GPR143: variants seen among roughly 807,000 people sequenced by gnomAD.
GPR143 encodes G protein-coupled receptor 143, also known as G-protein coupled receptor 143.
Under a neutral mutation model 27.6 loss-of-function variants are expected in GPR143, and 8 were observed. The ratio of observed to expected loss-of-function variants is 0.29; its 90% CI spans 0.17 to 0.52. GPR143 has a LOEUF of 0.52. GPR143 is among the 20% of genes least tolerant of loss of function. The probability of loss-of-function intolerance (pLI) is 0.96; values close to 1 mark genes in which losing one functional copy is unlikely to be tolerated. For synonymous variants in GPR143, 156 were observed against 153.2 expected (o/e 1.02, Z -0.13); for missense variants, 303 against 343.1 (o/e 0.88, Z 0.92).
intron 3 of GPR143, 144 bp downstream of exon 3, chrX:9,759,188 A>G: frequency 2.0e-6 from 1 of 497,909 alleles, no homozygotes. Context: ...GCTGCTGTGG[A>G]TGTTTCTAGG....
At chrX:9,772,403 G>A (rs1027144649) in intron 1 of GPR143, among the ~76,000 whole-genome samples, 5 of 111,823 alleles carry the variant, frequency 4.5e-5, no homozygotes, top group Non-Finnish European at 9.4e-5. Flanking sequence ...TGCTTTCTCC[G>A]TAAAAGTCAA....
At chrX:9,767,374 T>G (rs375956188), upstream of GPR143, among the ~76,000 whole-genome samples, 6 of 111,394 alleles carry the variant, frequency 5.4e-5, no homozygotes, top group African/African-American at 2.0e-4. Flanking sequence ...CTGGGTTTTT[T>G]TCAAGCAACC....
intron 3 of GPR143, among the ~76,000 whole-genome samples, chrX:9,750,826 G>A (rs1163217866): frequency 8.9e-6 from 1 of 112,728 alleles, no homozygotes; most frequent in African/African-American, 3.2e-5. Flanking sequence ...GCCTCCCAAA[G>A]TACTGGGATT....
At chrX:9,759,996 G>A (rs1382497258) in intron 2 of GPR143, among the ~76,000 whole-genome samples, 1 of 112,405 alleles carries the variant, frequency 8.9e-6, no homozygotes, top group East Asian at 2.8e-4. Flanking sequence ...GAGCACCACC[G>A]TGACGGATGG....
intron 8 of GPR143, among the ~76,000 whole-genome samples, chrX:9,738,811 C>T (rs758299943): frequency 8.1e-5 from 9 of 111,737 alleles, no homozygotes; most frequent in Non-Finnish European, 1.7e-4. Flanking sequence ...TTCGTAGCGA[C>T]GGGTTTTCAC....
chrX:9,741,755 T>C (rs2146686109), intron 6 of GPR143, among the ~76,000 whole-genome samples: 1 of 110,658 alleles, frequency 9.0e-6, no homozygotes, highest in Admixed American at 9.6e-5. Context: ...TAACCAGGTG[T>C]GGTGGTGTGC....
intron 3 of GPR143, among the ~76,000 whole-genome samples, chrX:9,754,325 T>C (rs1005922243): frequency 8.9e-6 from 1 of 111,801 alleles, no homozygotes; most frequent in African/African-American, 3.2e-5. Flanking sequence ...TGTGACTGGT[T>C]CCTGGCATGG....
Position 9,765,776 on chromosome X carries a change from C to A in GPR143, c.42G>T (p.Arg14=). Reference sequence around the variant, plus strand: ...TCAGCACGAGCTGCGTGGCTGCGTCCCGCGTGGGGCAGCAGAAGGTCCCTA... The same window carrying A: ...TCAGCACGAGCTGCGTGGCTGCGTCACGCGTGGGGCAGCAGAAGGTCCCTA... ...PRLGTFCCPT[R]DAATQLVLSF... The change falls in exon 1 of 9, where the codon CGG becomes CGT. Residue 14 remains arginine, a synonymous_variant. Coordinates refer to ENST00000467482, the MANE Select transcript of GPR143 (RefSeq NM_000273.3). 1 of 1,122,499 alleles carries A rather than the reference C, an allele frequency of 8.9e-7. No homozygotes were observed. The highest frequency in any genetic ancestry group is 1.2e-6 in the Non-Finnish European group (1 of 855,133). 92.5% of individuals were successfully genotyped at this position (1,122,499 alleles called of 1,213,427 possible).
At chrX:9,747,374 G>C (rs1320745575) in intron 4 of GPR143, among the ~76,000 whole-genome samples, 2 of 111,278 alleles carry the variant, frequency 1.8e-5, no homozygotes, top group Non-Finnish European at 3.8e-5. Flanking sequence ...GCACCTCAAG[G>C]CTCCCTGTGC....
At chrX:9,737,780 C>G (rs2083385157) in intron 8 of GPR143, among the ~76,000 whole-genome samples, 1 of 111,900 alleles carries the variant, frequency 8.9e-6, no homozygotes, top group Non-Finnish European at 1.9e-5. Context: ...GAGGCCGATG[C>G]AGGAGGACCA....
At chrX:9,758,998 T>TA (rs2083484474) in intron 3 of GPR143, among the ~76,000 whole-genome samples, 5 of 112,587 alleles carry the variant, frequency 4.4e-5, no homozygotes, top group Admixed American at 2.8e-4. Context: ...TCAAGGTTTT[T>TA]AAAATCCTCA....
chrX:9,754,553 A>C lies in GPR143; in HGVS notation c.455+4779T>G, dbSNP rs2083465413. ...ACACCGGGGCAGAAGTCTGAACCCC[A>C]ATCCACAGCAGATCAGGAGAAGCCT... On this transcript the variant is annotated intron_variant, in intron 3 of 8. Transcript: ENST00000467482. Among the ~76,000 whole-genome samples the C allele has an allele frequency of 2.7e-5, 3 of 111,801 alleles. No homozygotes were observed. In the Admixed American group the frequency reaches 2.8e-4, roughly 11 times the overall value.
intron 1 of GPR143, among the ~76,000 whole-genome samples, chrX:9,764,893 GGC>G (rs1448818769): frequency 6.4e-5 from 7 of 109,354 alleles, no homozygotes; most frequent in African/African-American, 2.3e-4. Context: ...CGGGCATGGT[GGC>G]GCGCGCCTCC....
At chrX:9,759,963 A>T (rs1669884866) in intron 2 of GPR143, among the ~76,000 whole-genome samples, 2 of 112,621 alleles carry the variant, frequency 1.8e-5, no homozygotes, top group Non-Finnish European at 1.9e-5. Context: ...AGCATCAGGG[A>T]ATGTGCTTCA....
At position 9,748,585 on chromosome X, in the gene GPR143, A is replaced by T; in HGVS notation, c.537T>A (p.Pro179=). 1 of 1,196,760 alleles carries T rather than the reference A, an allele frequency of 8.4e-7. No homozygotes were observed. The highest frequency in any genetic ancestry group is 1.1e-6 in the Non-Finnish European group (1 of 881,751). ...GAGTCCCAACTTACCTGGACACGGA[A>T]GGGTAGTAGAGCATGGCGGCTCCCT... ...CVEGAAMLYY[P]SVSRCERGLD... Residue 179 remains proline (P), a synonymous_variant, in exon 4 of 9, where the codon CCT becomes CCA. Transcript: ENST00000467482.
At chrX:9,732,944 A>G (rs2083361943) in intron 8 of GPR143, among the ~76,000 whole-genome samples, 5 of 110,888 alleles carry the variant, frequency 4.5e-5, no homozygotes, top group Admixed American at 3.9e-4. Context: ...TTGTTAGAGA[A>G]ATATGGTACA....
chrX:9,768,507 T>C (rs2083542912), upstream of GPR143, among the ~76,000 whole-genome samples: 1 of 111,192 alleles, frequency 9.0e-6, no homozygotes, highest in African/African-American at 3.3e-5. Flanking sequence ...CTGCTGTCCC[T>C]AGAGGAAGAC....
At chrX:9,743,749 A>G (rs1392738256) in intron 5 of GPR143, 76 bp from the exon 6 acceptor site, 5 of 648,438 alleles carry the variant, frequency 7.7e-6, no homozygotes, top group Middle Eastern at 3.0e-4. Context: ...CAATGGAAGC[A>G]GGTGTGAGCC....
chrX:9,753,369 T>A (rs1372593748), intron 3 of GPR143, among the ~76,000 whole-genome samples: 107 of 26,997 alleles, frequency 4.0e-3, no homozygotes, highest in African/African-American at 0.014. Context: ...AAAAAATAAA[T>A]AAATAAATAA....
Sources: gnomAD v4.1 joint callset for allele counts (sites outside exome capture counted in the v4.1 genomes callset) on GRCh38, gnomAD v4.1.1 for gene constraint, MANE v1.5 for transcripts, NCBI Gene and HGNC (gene_info 2026-07-23, HGNC 2026-07-21) for gene names.